Variants in GNA12 observed in about 807,000 individuals in gnomAD.
GNA12 encodes the protein G protein subunit alpha 12.
Under a neutral mutation model 26.0 loss-of-function variants are expected in GNA12, and 9 were observed. The observed-to-expected ratio is 0.35, with a 90% CI of 0.21 to 0.60. GNA12 has a LOEUF of 0.60. Ranked by LOEUF, GNA12 falls within the 20% of genes least tolerant of loss-of-function variation. The pLI, the probability that GNA12 is intolerant of heterozygous loss-of-function variation, is 0.78. For missense variants in GNA12, 405 were observed against 525.8 expected, an observed-to-expected ratio of 0.77 and a Z score of 2.25; for synonymous variants, 264 against 219.6, an observed-to-expected ratio of 1.20 and a Z score of -1.79.
chr7:2,815,409 A>G (rs1793195117), intron 1 of GNA12: 1 of 181,946 alleles, frequency 5.5e-6, no homozygotes, highest in African/African-American at 2.4e-5. Context: ...ACACTAAAGA[A>G]AACATGAGGG....
intron 1 of GNA12, among the ~76,000 whole-genome samples, chr7:2,806,457 C>CAAAAAAAAAAAAAAAAA (rs34036056): frequency 2.9e-4 from 23 of 80,664 alleles, no homozygotes; most frequent in African/African-American, 5.0e-4. Flanking sequence ...GACTCTGTCT[C>CAAAAAAAAAAAAAAAAA]AAAAAAAAAA....
intron 2 of GNA12, among the ~76,000 whole-genome samples, chr7:2,768,024 T>C (rs569640834): frequency 6.6e-6 from 1 of 152,298 alleles, no homozygotes; most frequent in Admixed American, 6.5e-5. Context: ...CTGGCTAATT[T>C]TTTTATTTTT....
At chr7:2,826,756 C>A (rs1793493666) in intron 1 of GNA12, among the ~76,000 whole-genome samples, 1 of 152,162 alleles carries the variant, frequency 6.6e-6, no homozygotes, top group Non-Finnish European at 1.5e-5. Flanking sequence ...AGACAGTAAA[C>A]GCTCAGAGGC....
intron 1 of GNA12, among the ~76,000 whole-genome samples, chr7:2,819,957 A>G (rs1346748895): frequency 6.6e-6 from 1 of 152,198 alleles, no homozygotes; most frequent in Non-Finnish European, 1.5e-5. Context: ...ATAACACACA[A>G]AAGATGGAAA....
At chr7:2,789,110 G>A (rs968712411) in intron 2 of GNA12, among the ~76,000 whole-genome samples, 2 of 143,710 alleles carry the variant, frequency 1.4e-5, no homozygotes, top group African/African-American at 2.5e-5. Context: ...GTGAGCCACC[G>A]TGCCCGGACC....
intron 1 of GNA12, among the ~76,000 whole-genome samples, chr7:2,810,190 G>C (rs1041491339): frequency 6.6e-6 from 1 of 152,238 alleles, no homozygotes; most frequent in African/African-American, 2.4e-5. Context: ...AGTTCTGGAG[G>C]CTGGGACTCT....
chr7:2,776,934 A>G (rs1050656606), intron 2 of GNA12, among the ~76,000 whole-genome samples: 3 of 149,698 alleles, frequency 2.0e-5, no homozygotes, highest in Admixed American at 6.7e-5. Flanking sequence ...TGGGTGACAG[A>G]GACTCTGTCT....
intron 2 of GNA12, among the ~76,000 whole-genome samples, chr7:2,769,238 T>C (rs1170591126): frequency 2.0e-5 from 3 of 152,066 alleles, no homozygotes; most frequent in Non-Finnish European, 4.4e-5. Flanking sequence ...CCTTCATTCC[T>C]TCTAATAGCC....
intron 2 of GNA12, among the ~76,000 whole-genome samples, chr7:2,783,649 C>CATTCATTTATTTATTT (rs1554259966): frequency 7.2e-6 from 1 of 138,688 alleles, no homozygotes; most frequent in South Asian, 2.5e-4. Flanking sequence ...GGCTGTAACA[C>CATTCATTTATTTATTT]ATTTATTTAT....
intron 1 of GNA12, among the ~76,000 whole-genome samples, chr7:2,816,420 T>G (rs926733417): frequency 6.6e-6 from 1 of 152,112 alleles, no homozygotes; most frequent in Admixed American, 6.5e-5. Context: ...TTAGTAGAGA[T>G]GGGTTTCACC....
chr7:2,827,481 G>T (rs911664004), intron 1 of GNA12, among the ~76,000 whole-genome samples: 11 of 152,198 alleles, frequency 7.2e-5, no homozygotes, highest in Admixed American at 6.5e-5. Flanking sequence ...GTGATGTCGC[G>T]TGAGAATTCA....
chr7:2,812,364 T>C (rs1168163183), intron 1 of GNA12, among the ~76,000 whole-genome samples: 1 of 152,186 alleles, frequency 6.6e-6, no homozygotes, highest in Non-Finnish European at 1.5e-5. Context: ...GTGCGGTGGC[T>C]CACGCCTGTA....
At chr7:2,767,259 ATGTTT>A (rs1791831258) in intron 2 of GNA12, among the ~76,000 whole-genome samples, 1 of 152,142 alleles carries the variant, frequency 6.6e-6, no homozygotes. Flanking sequence ...CCATTGGTCT[ATGTTT>A]TCTTTTGTTG....
chr7:2,753,751 T>A (rs533951342), intron 2 of GNA12, among the ~76,000 whole-genome samples: 2 of 152,318 alleles, frequency 1.3e-5, no homozygotes, highest in African/African-American at 4.8e-5. Flanking sequence ...TTTTTTTTCC[T>A]TTTAATTACA....
At chr7:2,796,243 T>C (rs537627999) in intron 1 of GNA12, among the ~76,000 whole-genome samples, 105 of 152,320 alleles carry the variant, frequency 6.9e-4, no homozygotes, top group Non-Finnish European at 1.3e-3. Flanking sequence ...TGTATTGTTT[T>C]TAAAGTTTAA....
rs540607341 is a variant in GNA12 at position 2,805,656 on chromosome 7, G to C, written c.310-10513C>G. ...CGGAGACTAGAGCCAGAGCTGAGCT[G>C]ACCTCTGAGGACCCAACACTTCTGA... On this transcript the variant is annotated intron_variant, in intron 1 of 3. Coordinates refer to ENST00000275364, the MANE Select transcript of GNA12 (RefSeq NM_007353.3). Among the ~76,000 whole-genome samples the C allele has an allele frequency of 3.3e-5, 5 of 152,348 alleles. No individual in the cohort carries two copies. In the South Asian group the frequency reaches 1.0e-3, roughly 32 times the overall value.
In GNA12 at chr7:2,745,854, C is replaced by T. The variant is rs142002129; in HGVS notation, c.526-12353G>A. Among the ~76,000 whole-genome samples, 230 of 152,050 alleles carry T rather than the reference C, an allele frequency of 1.5e-3. 1 individual carries two copies. The highest frequency in any genetic ancestry group is 0.012 in the Admixed American group (178 of 15,268). ...ACCAAGCAAATGGAAAACAGAAAAA[C>T]GCAGGGGTTGCAATCCTAGTCTCTG... On this transcript the variant is annotated intron_variant, in intron 2 of 3. Coordinates refer to ENST00000275364, the MANE Select transcript of GNA12 (RefSeq NM_007353.3).
chr7:2,762,169 C>T (rs798489), intron 2 of GNA12: 31,692 of 159,660 alleles, frequency 0.2, 4,141 homozygotes, highest in Non-Finnish European at 0.27. Flanking sequence ...AAAGCTCTCA[C>T]CCTGAGGTGG....
chr7:2,780,093 T>TATGC (rs57390413), intron 2 of GNA12, among the ~76,000 whole-genome samples: 2 of 130,136 alleles, frequency 1.5e-5, no homozygotes, highest in Admixed American at 7.9e-5. Flanking sequence ...TATATATATA[T>TATGC]GCCTGTTTTC....
Sources: allele counts gnomAD v4.1 joint callset (sites outside exome capture counted in the v4.1 genomes callset), GRCh38; gene constraint gnomAD v4.1.1; transcripts MANE v1.5; gene names NCBI Gene and HGNC (gene_info 2026-07-23, HGNC 2026-07-21).